The following SCAMP1 variants were observed in gnomAD, a reference collection of about 807,000 sequenced individuals.
SCAMP1 encodes secretory carrier-associated membrane protein 1.
A neutral mutation model predicts 41.8 loss-of-function variants in SCAMP1; 15 were observed. That is an observed-to-expected ratio of 0.36 (90% CI 0.24 to 0.55). The LOEUF (loss-of-function observed/expected upper bound fraction) is 0.55. Among genes scored for constraint, SCAMP1 ranks in the 20% least tolerant of loss-of-function variants. The probability of loss-of-function intolerance (pLI) is 0.86; values close to 1 mark genes in which losing one functional copy is unlikely to be tolerated. For missense variants in SCAMP1, 341 were observed against 412.6 expected, an observed-to-expected ratio of 0.83 and a Z score of 1.50; for synonymous variants, 135 against 136.8, an observed-to-expected ratio of 0.99 and a Z score of 0.09.
intron 6 of SCAMP1, among the ~76,000 whole-genome samples, chr5:78,424,211 A>G (rs1752411319): frequency 6.6e-6 from 1 of 152,134 alleles, no homozygotes; most frequent in African/African-American, 2.4e-5. Context: ...AAGTTGAATT[A>G]AAGTATTTAT....
intron 7 of SCAMP1, 84 bp from the exon 8 acceptor site, chr5:78,459,161 G>T (rs1018635754): frequency 7.0e-6 from 5 of 710,354 alleles, no homozygotes; most frequent in Admixed American, 2.3e-5. Context: ...TGGCTGATAA[G>T]TGTTGAATAT....
chr5:78,360,751 C>T (rs765265207), intron 1 of SCAMP1, 23 bp downstream of exon 1: 40 of 1,597,056 alleles, frequency 2.5e-5, no homozygotes, highest in Non-Finnish European at 2.8e-5. Flanking sequence ...CCCAGCATCT[C>T]CTGCCGCCGC....
chr5:78,381,469 A>T (rs1275384264), intron 1 of SCAMP1, among the ~76,000 whole-genome samples: 2 of 152,202 alleles, frequency 1.3e-5, no homozygotes, highest in East Asian at 3.8e-4. Context: ...GTGCTTGTTG[A>T]TCCTAAACTC....
At chr5:78,372,782 A>G (rs1330655129) in intron 1 of SCAMP1, among the ~76,000 whole-genome samples, 1 of 152,150 alleles carries the variant, frequency 6.6e-6, no homozygotes, top group Non-Finnish European at 1.5e-5. Context: ...TTAATACCAA[A>G]AAGTTTGAAA....
At chr5:78,374,018 AT>A (rs1266861026) in intron 1 of SCAMP1, among the ~76,000 whole-genome samples, 1 of 152,158 alleles carries the variant, frequency 6.6e-6, no homozygotes, top group Non-Finnish European at 1.5e-5. Flanking sequence ...CCAAGAGATT[AT>A]CATCATTGAA....
intron 1 of SCAMP1, among the ~76,000 whole-genome samples, chr5:78,387,555 G>GT (rs1055434435): frequency 4.6e-5 from 7 of 151,534 alleles, no homozygotes; most frequent in South Asian, 2.1e-4. Flanking sequence ...TACTGGAATT[G>GT]TTTTTTTTGT....
At chr5:78,442,479 G>T (rs185682743) in intron 6 of SCAMP1, among the ~76,000 whole-genome samples, 1 of 152,156 alleles carries the variant, frequency 6.6e-6, no homozygotes, top group East Asian at 1.9e-4. Flanking sequence ...GGCTGGTCTC[G>T]AACTCCTGAC....
At chr5:78,408,958 A>G (rs1751999466) in intron 2 of SCAMP1, among the ~76,000 whole-genome samples, 1 of 152,122 alleles carries the variant, frequency 6.6e-6, no homozygotes, top group Non-Finnish European at 1.5e-5. Flanking sequence ...CCTCCCTTCT[A>G]CATCCAGAAT....
At chr5:78,408,705 CCTT>C (rs1391980219) in intron 2 of SCAMP1, among the ~76,000 whole-genome samples, 1 of 152,118 alleles carries the variant, frequency 6.6e-6, no homozygotes, top group Admixed American at 6.6e-5. Flanking sequence ...CTCAAGCTAT[CCTT>C]CTGCCTCAGC....
Position 78,431,503 on chromosome 5 carries a change from C to G in SCAMP1, c.632+9543C>G, listed in dbSNP as rs140355601. ...ACCATCTATTTTCTGTTTATTCCAA[C>G]TATTCTTTGTTTCTTTTCCTTTCTT... On this transcript the variant is annotated intron_variant, in intron 6 of 8. Coordinates refer to ENST00000621999, the MANE Select transcript of SCAMP1 (RefSeq NM_004866.6). Among the ~76,000 whole-genome samples, 791 of 140,970 alleles carry G rather than the reference C, an allele frequency of 5.6e-3. 4 individuals carry two copies. The highest frequency in any genetic ancestry group is 0.02 in the African/African-American group (745 of 38,104). 92.5% of individuals were successfully genotyped at this position (140,970 alleles called of 152,430 possible).
rs1221017962 is a variant in SCAMP1, at chr5:78,404,365, T to G, written c.136-11155T>G. 2.0e-5 allele frequency among the ~76,000 whole-genome samples: 3 copies of G among 151,140 alleles called. No homozygotes were observed. In the East Asian group the frequency reaches 5.9e-4, roughly 30 times the overall value. ...TCTCACTATATTGCCCAGCCTGGTC[T>G]CAAACGCCTGGGCTCAAACAGTCCT... On this transcript the variant is annotated intron_variant, in intron 2 of 8. Transcript: ENST00000621999.
At chr5:78,415,102 C>T (rs1353728122) in intron 2 of SCAMP1, among the ~76,000 whole-genome samples, 4 of 151,810 alleles carry the variant, frequency 2.6e-5, no homozygotes, top group African/African-American at 4.8e-5. Context: ...TACAGGTGCC[C>T]GCCACCACAC....
intron 1 of SCAMP1, among the ~76,000 whole-genome samples, chr5:78,372,896 T>A (rs1353004747): frequency 1.4e-5 from 2 of 146,482 alleles, no homozygotes; most frequent in Non-Finnish European, 3.0e-5. Context: ...TTATTATTTA[T>A]TTTCTTTATC....
chr5:78,389,076 A>G (rs572357480), intron 2 of SCAMP1, among the ~76,000 whole-genome samples, 162 bp downstream of exon 2: 9 of 152,350 alleles, frequency 5.9e-5, no homozygotes, highest in Non-Finnish European at 1.2e-4. Flanking sequence ...ATGTAGAAAT[A>G]TTAGTAGTAA....
chr5:78,433,004 T>A (rs1195012481), intron 6 of SCAMP1, among the ~76,000 whole-genome samples: 1 of 152,190 alleles, frequency 6.6e-6, no homozygotes, highest in Non-Finnish European at 1.5e-5. Flanking sequence ...TCAGTTTTGC[T>A]GAGTATATTG....
At chr5:78,449,323 C>A (rs866330288) in intron 6 of SCAMP1, among the ~76,000 whole-genome samples, 3 of 152,088 alleles carry the variant, frequency 2.0e-5, no homozygotes, top group African/African-American at 4.8e-5. Context: ...AAGGAATGAA[C>A]TTTTGATACA....
chr5:78,396,844 A>G (rs1213765531), intron 2 of SCAMP1, among the ~76,000 whole-genome samples: 1 of 152,256 alleles, frequency 6.6e-6, no homozygotes, highest in Non-Finnish European at 1.5e-5. Flanking sequence ...AGCAAATAAA[A>G]TTAAGACAGA....
At position 78,477,819 on chromosome 5, in the gene SCAMP1, A is replaced by G. The variant is rs1305518971; in HGVS notation, c.*2151A>G. The G allele has an allele frequency of 6.6e-6, 1 of 152,144 alleles. No homozygotes were observed. Among genetic ancestry groups the G allele is most frequent in the African/African-American group, 2.4e-5 (1 of 41,458 alleles). The allele number at this position is 152,144 out of a possible 1,614,324, so 9.4% of individuals were successfully genotyped here. ...TTGAAATGATGGCAATGCTTATAGT[A>G]TGATCAAGTATGAAAGGAACTTTAA... On this transcript the variant is annotated 3_prime_UTR_variant, in exon 9 of 9. Transcript: ENST00000621999.
chr5:78,456,483 T>C (rs970164002), intron 7 of SCAMP1, among the ~76,000 whole-genome samples: 5 of 151,964 alleles, frequency 3.3e-5, no homozygotes, highest in African/African-American at 1.2e-4. Flanking sequence ...GGTTGAAAAT[T>C]CTTTTCTTTA....
Sources: gnomAD v4.1 joint callset for allele counts (sites outside exome capture counted in the v4.1 genomes callset) on GRCh38, gnomAD v4.1.1 for gene constraint, MANE v1.5 for transcripts, NCBI Gene and HGNC (gene_info 2026-07-23, HGNC 2026-07-21) for gene names.